CLASP2: variants seen among roughly 807,000 people sequenced by gnomAD.
CLASP2 encodes the protein cytoplasmic linker associated protein 2.
A neutral mutation model predicts 194.4 loss-of-function variants in CLASP2; 47 were observed. The ratio of observed to expected loss-of-function variants is 0.24; its 90% CI spans 0.19 to 0.31. CLASP2 has a LOEUF of 0.31. Ranked by LOEUF, CLASP2 falls within the 10% of genes least tolerant of loss-of-function variation. The probability of loss-of-function intolerance (pLI) is 1.00; values close to 1 mark genes in which losing one functional copy is unlikely to be tolerated. For synonymous variants in CLASP2, 619 were observed against 633.5 expected (o/e 0.98, Z 0.34); for missense variants, 1,445 against 1,823.6 (o/e 0.79, Z 3.78).
intron 32 of CLASP2, among the ~76,000 whole-genome samples, chr3:33,541,075 T>C (rs923070051): frequency 6.6e-6 from 1 of 152,148 alleles, no homozygotes; most frequent in African/African-American, 2.4e-5. Flanking sequence ...TTGTGGAAGA[T>C]AGTGTGGCAA....
intron 6 of CLASP2, among the ~76,000 whole-genome samples, chr3:33,682,549 C>A (rs2090013278): frequency 6.6e-6 from 1 of 151,934 alleles, no homozygotes; most frequent in Non-Finnish European, 1.5e-5. Flanking sequence ...TTAGTGAATG[C>A]CCTCAAAATT....
chr3:33,697,142 G>C (rs1207840289), intron 1 of CLASP2, among the ~76,000 whole-genome samples: 4 of 152,164 alleles, frequency 2.6e-5, no homozygotes, highest in African/African-American at 9.7e-5. Context: ...CGTGTAAACA[G>C]GAAGATAGCA....
chr3:33,709,169 T>A (rs2092877898), intron 1 of CLASP2, among the ~76,000 whole-genome samples: 1 of 152,216 alleles, frequency 6.6e-6, no homozygotes, highest in African/African-American at 2.4e-5. Context: ...ATCCAAAAAA[T>A]CACTGCCAAG....
At chr3:33,697,133 G>A (rs898500842) in intron 1 of CLASP2, among the ~76,000 whole-genome samples, 200 bp from the exon 2 acceptor site, 4 of 152,044 alleles carry the variant, frequency 2.6e-5, no homozygotes, top group South Asian at 2.1e-4. Flanking sequence ...CAATAATAAC[G>A]TGTAAACAGG....
At chr3:33,536,682 G>A (rs1400518190) in intron 33 of CLASP2, among the ~76,000 whole-genome samples, 1 of 152,116 alleles carries the variant, frequency 6.6e-6, no homozygotes, top group African/African-American at 2.4e-5. Context: ...GGAGGTCAAG[G>A]GCATAATCAA....
intron 6 of CLASP2, among the ~76,000 whole-genome samples, chr3:33,669,059 C>CA (rs1224236743): frequency 6.6e-6 from 1 of 152,088 alleles, no homozygotes; most frequent in Non-Finnish European, 1.5e-5. Flanking sequence ...ACATTACTAA[C>CA]AAAAGATATA....
Position 33,649,424 on chromosome 3 carries a change from C to A in CLASP2, c.716-4521G>T, listed in dbSNP as rs560131689. Among the ~76,000 whole-genome samples the A allele has an allele frequency of 2.0e-5, 3 of 152,288 alleles. No individual in the cohort carries two copies. In the East Asian group the frequency reaches 5.8e-4, roughly 29 times the overall value. ...ATATCTTCAACATGTGGAACAATAT[C>A]TAGAACGGCACACATTTCACAGTAT... On this transcript the variant is annotated intron_variant, in intron 7 of 38. Coordinates refer to ENST00000682230, the MANE Select transcript of CLASP2 (RefSeq NM_001365631.1).
chr3:33,657,524 A>T (rs1482015002), intron 7 of CLASP2, among the ~76,000 whole-genome samples: 1 of 139,476 alleles, frequency 7.2e-6, no homozygotes, highest in Non-Finnish European at 1.5e-5. Flanking sequence ...TTAAGAAATA[A>T]AATAAAATCT....
chr3:33,627,182 T>G (rs1042424818), intron 9 of CLASP2, 102 bp from the exon 10 acceptor site: 2 of 716,920 alleles, frequency 2.8e-6, no homozygotes, highest in South Asian at 3.2e-5. Context: ...TAAGTTTATT[T>G]CCCATTCTAG....
At chr3:33,551,564 C>A (rs1049465252) in intron 29 of CLASP2, among the ~76,000 whole-genome samples, 169 bp from the exon 30 acceptor site, 7 of 152,126 alleles carry the variant, frequency 4.6e-5, no homozygotes, top group African/African-American at 1.2e-4. Context: ...AGCAATCCTC[C>A]CACCTCGGCC....
At chr3:33,522,610 C>T (rs975601595) in intron 34 of CLASP2, among the ~76,000 whole-genome samples, 5 of 151,970 alleles carry the variant, frequency 3.3e-5, no homozygotes, top group Non-Finnish European at 4.4e-5. Context: ...ATCTACTAGA[C>T]AAAGATTTTA....
chr3:33,595,025 A>C, intron 19 of CLASP2, 57 bp from the exon 20 acceptor site: 5 of 1,137,238 alleles, frequency 4.4e-6, no homozygotes, highest in Non-Finnish European at 4.8e-6. Flanking sequence ...TGATATTAAG[A>C]CCTACCTCAC....
chr3:33,568,769 T>C (rs554766344), intron 26 of CLASP2, among the ~76,000 whole-genome samples: 1 of 152,184 alleles, frequency 6.6e-6, no homozygotes, highest in African/African-American at 2.4e-5. Flanking sequence ...CTGAGTCTGA[T>C]ATAGAACAAA....
chr3:33,598,910 TAA>T (rs2071239514), intron 18 of CLASP2, among the ~76,000 whole-genome samples: 1 of 152,176 alleles, frequency 6.6e-6, no homozygotes, highest in Non-Finnish European at 1.5e-5. Flanking sequence ...AGGCTGAAGT[TAA>T]AGAGTGAACT....
rs189117182 is a variant in CLASP2 at position 33,717,286 on chromosome 3, C to T, written c.195+522G>A. ...GATCAACATTGTGTCCTAGTAACTC[C>T]GCAACGTGTCACGGAATCGCTGAAT... On this transcript the variant is annotated intron_variant, in intron 1 of 38. Transcript: ENST00000682230. 1.1e-4 allele frequency among the ~76,000 whole-genome samples: 17 copies of T among 152,152 alleles called. No individual in the cohort carries two copies. In the East Asian group the frequency reaches 3.1e-3, roughly 28 times the overall value.
At chr3:33,538,989 T>C in intron 32 of CLASP2, 47 bp from the exon 33 acceptor site, 1 of 1,348,372 alleles carries the variant, frequency 7.4e-7, no homozygotes, top group Non-Finnish European at 1.0e-6. Flanking sequence ...AGTTTTAAAA[T>C]ACAAACACAT....
rs185867397 is a variant in CLASP2, at chr3:33,604,827, G to A, written c.1695-618C>T. Among the ~76,000 whole-genome samples, 122 of 152,188 alleles carry A rather than the reference G, an allele frequency of 8.0e-4. 1 individual carries two copies. Among genetic ancestry groups the A allele is most frequent in the African/African-American group, 2.8e-3 (117 of 41,532 alleles). On this transcript the variant is annotated intron_variant, in intron 16 of 38. Transcript: ENST00000682230. ...TCATGGTGACCACCAAAGAGAACTC[G>A]ATAACAGTACTATTATTTTTCACTT... is the stretch of plus-strand genomic sequence containing the variant.
At chr3:33,586,203 C>T (rs1467645246) in intron 21 of CLASP2, among the ~76,000 whole-genome samples, 1 of 151,660 alleles carries the variant, frequency 6.6e-6, no homozygotes, top group Non-Finnish European at 1.5e-5. Flanking sequence ...GGCGCGATCT[C>T]GGCTCACTGC....
At chr3:33,659,338 T>G in intron 7 of CLASP2, 1 of 1,114,422 alleles carries the variant, frequency 9.0e-7, no homozygotes, top group Non-Finnish European at 1.1e-6. Context: ...AGCCAATAAA[T>G]GCCATCCCGC....
Sources: gnomAD v4.1 joint callset for allele counts (sites outside exome capture counted in the v4.1 genomes callset) on GRCh38, gnomAD v4.1.1 for gene constraint, MANE v1.5 for transcripts, NCBI Gene and HGNC (gene_info 2026-07-23, HGNC 2026-07-21) for gene names.